The following ATOSA variants were observed in gnomAD, a reference collection of about 807,000 sequenced individuals.
ATOSA encodes the protein atos homolog A.
chr15:52,659,612 C>T, the ATOSA span, among the ~76,000 whole-genome samples: 20 of 152,112 alleles, frequency 1.3e-4, no homozygotes, highest in Admixed American at 1.2e-3. Flanking sequence ...ATATTAGATG[C>T]AATATCCTAC....
chr15:52,603,715 A>G, the ATOSA span, among the ~76,000 whole-genome samples: 2 of 152,238 alleles, frequency 1.3e-5, no homozygotes, highest in Non-Finnish European at 2.9e-5. Flanking sequence ...GCTAAGTGAA[A>G]TAGGCCAGGC....
chr15:52,625,880 A>AAC, the ATOSA span, among the ~76,000 whole-genome samples: 2 of 152,162 alleles, frequency 1.3e-5, no homozygotes, highest in Admixed American at 6.5e-5. Flanking sequence ...CTCAACTCTG[A>AAC]AGTCTGTCAA....
At chr15:52,690,190 CATATGTCAGTTA>C in the ATOSA span, among the ~76,000 whole-genome samples, 5 of 152,218 alleles carry the variant, frequency 3.3e-5, no homozygotes, top group Non-Finnish European at 5.9e-5. Context: ...ATTCCCTATA[CATATGTCAGTTA>C]CTTATTCAAT....
the ATOSA span, chr15:52,587,304 T>A: frequency 8.6e-7 from 1 of 1,156,920 alleles, no homozygotes; most frequent in Non-Finnish European, 1.2e-6. Flanking sequence ...TGTAATTTAT[T>A]AAAATTTCAG....
At chr15:52,620,510 T>C in the ATOSA span, among the ~76,000 whole-genome samples, 1 of 152,180 alleles carries the variant, frequency 6.6e-6, no homozygotes, top group South Asian at 2.1e-4. Context: ...GAAGAGTGTC[T>C]TTCCCATTGC....
At chr15:52,668,490 A>G in the ATOSA span, among the ~76,000 whole-genome samples, 1 of 152,366 alleles carries the variant, frequency 6.6e-6, no homozygotes, top group South Asian at 2.1e-4. Context: ...GTTCTACTGC[A>G]TAGTAGGATG....
the ATOSA span, among the ~76,000 whole-genome samples, chr15:52,685,456 C>T: frequency 6.6e-6 from 1 of 151,250 alleles, no homozygotes; most frequent in Non-Finnish European, 1.5e-5. Flanking sequence ...TTTTCTAAAA[C>T]AGGGTCTTGC....
chr15:52,593,331 C>A, the ATOSA span: 3 of 403,278 alleles, frequency 7.4e-6, no homozygotes, highest in African/African-American at 2.1e-5. Context: ...TGTCACTAAT[C>A]AATTTTTATC....
chr15:52,583,699 T>TA, the ATOSA span, among the ~76,000 whole-genome samples: 1 of 152,182 alleles, frequency 6.6e-6, no homozygotes. Flanking sequence ...CCATGTCTTT[T>TA]AAAAAAAGTT....
chr15:52,614,809 T>C, the ATOSA span, among the ~76,000 whole-genome samples: 2 of 151,862 alleles, frequency 1.3e-5, no homozygotes, highest in Admixed American at 6.6e-5. Flanking sequence ...GATCACCCCA[T>C]TGCACTCCAG....
the ATOSA span, among the ~76,000 whole-genome samples, chr15:52,701,011 CA>C: frequency 3.3e-5 from 5 of 152,048 alleles, no homozygotes; most frequent in Non-Finnish European, 5.9e-5. Flanking sequence ...GAGAAACAAA[CA>C]TACAAGAATA....
At chr15:52,611,634 A>C in the ATOSA span, 1 of 1,613,920 alleles carries the variant, frequency 6.2e-7, no homozygotes, top group African/African-American at 1.3e-5. Context: ...GCTTAATCGC[A>C]GGATCATTTA....
the ATOSA span, chr15:52,613,985 A>G: frequency 2.4e-6 from 2 of 826,612 alleles, no homozygotes; most frequent in Non-Finnish European, 4.0e-6. Context: ...AATAATAAAA[A>G]TGAGAATCAA....
the ATOSA span, among the ~76,000 whole-genome samples, chr15:52,645,342 G>A: frequency 6.6e-6 from 1 of 152,210 alleles, no homozygotes. Context: ...GGGAGGCTGA[G>A]GCGGTAGGAT....
the ATOSA span, among the ~76,000 whole-genome samples, chr15:52,694,763 T>G: frequency 1.3e-5 from 2 of 152,178 alleles, no homozygotes; most frequent in African/African-American, 4.8e-5. Flanking sequence ...ATGTTTGTGA[T>G]ATACATAGAA....
the ATOSA span, among the ~76,000 whole-genome samples, chr15:52,628,502 C>T: frequency 6.6e-6 from 1 of 152,166 alleles, no homozygotes; most frequent in Non-Finnish European, 1.5e-5. Context: ...ACCTTTCTCA[C>T]TTTTGTAAAT....
the ATOSA span, among the ~76,000 whole-genome samples, chr15:52,590,149 C>A: frequency 4.6e-5 from 7 of 152,018 alleles, no homozygotes; most frequent in Non-Finnish European, 7.4e-5. Flanking sequence ...AAATCTTATA[C>A]AAAAATTGCT....
At chr15:52,673,221 G>A in the ATOSA span, among the ~76,000 whole-genome samples, 1 of 152,166 alleles carries the variant, frequency 6.6e-6, no homozygotes, top group Non-Finnish European at 1.5e-5. Flanking sequence ...TTTCCCTATT[G>A]TAAAGATAAA....
the ATOSA span, chr15:52,657,594 T>C: frequency 6.6e-6 from 1 of 152,198 alleles, no homozygotes; most frequent in Non-Finnish European, 1.5e-5. Context: ...AACATACTCA[T>C]TGACTGTGTG....
Sources: allele counts gnomAD v4.1 joint callset (sites outside exome capture counted in the v4.1 genomes callset), GRCh38; gene constraint gnomAD v4.1.1; transcripts MANE v1.5; gene names NCBI Gene and HGNC (gene_info 2026-07-23, HGNC 2026-07-21).